Variants in SLC25A21 observed in about 807,000 individuals in gnomAD.
SLC25A21 encodes solute carrier family 25 member 21, also known as mitochondrial 2-oxodicarboxylate carrier.
SLC25A21 carries 47 observed loss-of-function variants against 43.8 expected under a neutral mutation model. That is an observed-to-expected ratio of 1.07 (90% CI 0.85 to 1.37). The LOEUF (loss-of-function observed/expected upper bound fraction) is 1.37. Ranked by LOEUF, SLC25A21 falls within the 40% of genes most tolerant of loss-of-function variation. SLC25A21 has a pLI of 0.00. For missense variants in SLC25A21, 352 were observed against 350.2 expected (o/e 1.00, Z -0.04); for synonymous variants, 131 against 121.3 (o/e 1.08, Z -0.52).
At chr14:37,039,818 C>T (rs1961405947) in intron 1 of SLC25A21, among the ~76,000 whole-genome samples, 1 of 152,050 alleles carries the variant, frequency 6.6e-6, no homozygotes, top group Non-Finnish European at 1.5e-5. Context: ...GAGATAATCA[C>T]GGAGGTTTGG....
chr14:36,806,004 CAGGAG>C (rs1255959773), intron 3 of SLC25A21, among the ~76,000 whole-genome samples: 8 of 151,918 alleles, frequency 5.3e-5, no homozygotes, highest in Admixed American at 6.6e-5. Context: ...CATTTGAGGT[CAGGAG>C]TTTGAGACCA....
At chr14:36,939,847 C>A (rs1315407081) in intron 1 of SLC25A21, among the ~76,000 whole-genome samples, 2 of 152,056 alleles carry the variant, frequency 1.3e-5, no homozygotes, top group African/African-American at 2.4e-5. Flanking sequence ...GAATGGAAAA[C>A]ATGCACAATT....
intron 1 of SLC25A21, among the ~76,000 whole-genome samples, chr14:36,895,301 C>T (rs1451205884): frequency 6.6e-6 from 1 of 152,192 alleles, no homozygotes; most frequent in African/African-American, 2.4e-5. Context: ...TTATCCATTT[C>T]TTCTACATTT....
At chr14:36,959,607 C>G (rs1396552575) in intron 1 of SLC25A21, among the ~76,000 whole-genome samples, 1 of 151,850 alleles carries the variant, frequency 6.6e-6, no homozygotes, top group East Asian at 1.9e-4. Flanking sequence ...TCTGAGACAC[C>G]AAAGGGAAAA....
intron 1 of SLC25A21, among the ~76,000 whole-genome samples, chr14:36,876,439 G>A (rs11622009): frequency 0.44 from 66,646 of 151,774 alleles, 15,949 homozygotes; most frequent in Non-Finnish European, 0.52. Context: ...CAAGCACCCA[G>A]TTGGAGTCTC....
intron 1 of SLC25A21, among the ~76,000 whole-genome samples, chr14:37,074,218 A>C (rs1225915578): frequency 6.6e-6 from 1 of 152,140 alleles, no homozygotes; most frequent in Non-Finnish European, 1.5e-5. Context: ...AAAAAAAAAA[A>C]AAACCTCTGT....
intron 1 of SLC25A21, among the ~76,000 whole-genome samples, chr14:37,046,720 T>C (rs1961594747): frequency 6.6e-6 from 1 of 152,210 alleles, no homozygotes; most frequent in South Asian, 2.1e-4. Flanking sequence ...TACACATTCA[T>C]GATTGTGCTC....
chr14:36,906,536 T>C (rs1463295074), intron 1 of SLC25A21, among the ~76,000 whole-genome samples: 2 of 151,366 alleles, frequency 1.3e-5, no homozygotes, highest in Admixed American at 6.6e-5. Flanking sequence ...AGATGGAGTC[T>C]CACTCTGTCG....
intron 1 of SLC25A21, among the ~76,000 whole-genome samples, chr14:37,132,113 A>G (rs1459053540): frequency 6.6e-6 from 1 of 152,212 alleles, no homozygotes; most frequent in Non-Finnish European, 1.5e-5. Flanking sequence ...TCAAGAGAGC[A>G]TACGTGTGAG....
intron 1 of SLC25A21, among the ~76,000 whole-genome samples, chr14:36,896,870 A>C (rs889351126): frequency 2.0e-5 from 3 of 151,982 alleles, no homozygotes; most frequent in Non-Finnish European, 4.4e-5. Flanking sequence ...ATTGGCCCGC[A>C]CTCTCTGCTG....
chr14:36,779,604 GTATACATATATATA>G lies in SLC25A21; in HGVS notation c.203+34300_203+34313del, dbSNP rs1359096730. ...TTTTAAAAGAAAGGAATGTATATGTGTATACATATATATATATATATATATATATATATATATAT... is the reference window on the plus strand; with the variant it reads ...TTTTAAAAGAAAGGAATGTATATGTGTATATATATATATATATATATATAT... On this transcript the variant is annotated intron_variant, in intron 3 of 9. Coordinates refer to ENST00000331299, the MANE Select transcript of SLC25A21 (RefSeq NM_030631.4). 5.8e-5 allele frequency among the ~76,000 whole-genome samples: 3 copies of G among 51,878 alleles called. No homozygotes were observed. The Admixed American group carries it at 7.0e-4, about 12-fold the overall frequency. 34.0% of individuals were successfully genotyped at this position (51,878 alleles called of 152,430 possible).
intron 1 of SLC25A21, among the ~76,000 whole-genome samples, chr14:37,160,554 G>A (rs1963922205): frequency 6.6e-6 from 1 of 152,098 alleles, no homozygotes; most frequent in Non-Finnish European, 1.5e-5. Context: ...ATAGATAACA[G>A]AGGCTGGGAA....
At chr14:36,944,275 CAT>C (rs1892633114) in intron 1 of SLC25A21, among the ~76,000 whole-genome samples, 1 of 152,136 alleles carries the variant, frequency 6.6e-6, no homozygotes, top group Non-Finnish European at 1.5e-5. Context: ...GGAGGAAAGA[CAT>C]GTGGACAAGT....
chr14:36,924,679 T>TA (rs1169662914), intron 1 of SLC25A21, among the ~76,000 whole-genome samples: 1 of 150,214 alleles, frequency 6.7e-6, no homozygotes, highest in East Asian at 2.0e-4. Context: ...GTATAATAAT[T>TA]AAAAAAAGCA....
chr14:37,091,382 C>G (rs11849630), intron 1 of SLC25A21, among the ~76,000 whole-genome samples: 1 of 151,276 alleles, frequency 6.6e-6, no homozygotes, highest in Non-Finnish European at 1.5e-5. Flanking sequence ...TGAAGTGAAC[C>G]GAGATTGCAC....
At chr14:37,109,135 A>C (rs1962972894) in intron 1 of SLC25A21, among the ~76,000 whole-genome samples, 1 of 152,176 alleles carries the variant, frequency 6.6e-6, no homozygotes, top group Non-Finnish European at 1.5e-5. Context: ...CAGAAGTTTC[A>C]ATTAGTTGAT....
intron 1 of SLC25A21, among the ~76,000 whole-genome samples, chr14:36,887,958 C>T (rs1890969706): frequency 6.6e-6 from 1 of 152,198 alleles, no homozygotes; most frequent in African/African-American, 2.4e-5. Context: ...GAAGCTGACT[C>T]TCACAGGCCA....
intron 1 of SLC25A21, among the ~76,000 whole-genome samples, chr14:36,981,719 A>T (rs1960028723): frequency 1.3e-5 from 2 of 152,306 alleles, no homozygotes; most frequent in South Asian, 4.1e-4. Flanking sequence ...GGATAGCATT[A>T]GGAGATATAG....
intron 1 of SLC25A21, among the ~76,000 whole-genome samples, chr14:36,906,497 T>C (rs1891538087): frequency 6.6e-6 from 1 of 151,538 alleles, no homozygotes; most frequent in African/African-American, 2.4e-5. Context: ...GGAAGTTGTT[T>C]AATTTCTTTC....
Sources: allele counts gnomAD v4.1 joint callset (sites outside exome capture counted in the v4.1 genomes callset), GRCh38; gene constraint gnomAD v4.1.1; transcripts MANE v1.5; gene names NCBI Gene and HGNC (gene_info 2026-07-23, HGNC 2026-07-21).